CRACD: variants seen among roughly 807,000 people sequenced by gnomAD.
The protein encoded by CRACD is capping protein inhibiting regulator of actin dynamics.
CRACD carries 56 observed loss-of-function variants against 106.8 expected under a neutral mutation model. The observed-to-expected ratio is 0.52, with a 90% CI of 0.42 to 0.66. The LOEUF is 0.66. Ranked by LOEUF, CRACD falls within the 30% of genes least tolerant of loss-of-function variation. The pLI is 0.00. For synonymous variants in CRACD, 754 were observed against 670.8 expected (o/e 1.12, Z -1.92); for missense variants, 1,730 against 1,623.2 (o/e 1.07, Z -1.13).
intron 2 of CRACD, among the ~76,000 whole-genome samples, chr4:56,187,361 G>C (rs1308282633): frequency 6.6e-6 from 1 of 152,070 alleles, no homozygotes; most frequent in African/African-American, 2.4e-5. Flanking sequence ...CCAGACACTC[G>C]AGGGGGGCAC....
At chr4:56,114,391 A>T (rs534019877) in intron 1 of CRACD, among the ~76,000 whole-genome samples, 2 of 152,138 alleles carry the variant, frequency 1.3e-5, no homozygotes, top group African/African-American at 4.8e-5. Flanking sequence ...CTTTCCTAGA[A>T]GATACTCCAA....
intron 1 of CRACD, among the ~76,000 whole-genome samples, chr4:56,060,047 A>T (rs78583854): frequency 0.021 from 3,122 of 152,266 alleles, 102 homozygotes; most frequent in African/African-American, 0.071. Context: ...CAAGTACATT[A>T]TGATGTATGC....
chr4:56,287,291 A>ATTTTTTTTTT (rs57432926), intron 3 of CRACD, among the ~76,000 whole-genome samples: 1 of 145,950 alleles, frequency 6.9e-6, no homozygotes, highest in African/African-American at 2.5e-5. Flanking sequence ...TACTTGGCTA[A>ATTTTTTTTTT]TTTTTTTTTT....
In CRACD at chr4:56,314,865, A is replaced by C; in HGVS notation, c.1363A>C (p.Asn455His). 1 of 1,612,278 alleles carries C rather than the reference A, an allele frequency of 6.2e-7. No homozygotes were observed. Among genetic ancestry groups the C allele is most frequent in the East Asian group, 2.2e-5 (1 of 44,794 alleles). ...SEEPGICEEQ[N>H]PEAERRREQQ... ...GGAGCCAGGTATTTGCGAGGAGCAG[A>C]ACCCAGAGGCCGAGCGGCGAAGAGA... Residue 455 changes from asparagine to histidine, a missense_variant, in exon 8 of 11, where the codon AAC becomes CAC. This residue lies in a region of CRACD where 1,620 missense variants were observed against 1,481.6 expected (regional missense o/e 1.09). Transcript: ENST00000682029. The surrounding 1 kb of genome is among the most constrained non-coding windows in gnomAD (Gnocchi z 4.4).
intron 1 of CRACD, among the ~76,000 whole-genome samples, chr4:56,129,211 G>T (rs895907890): frequency 1.3e-5 from 2 of 152,198 alleles, no homozygotes; most frequent in African/African-American, 4.8e-5. Flanking sequence ...GAGTAACTGG[G>T]ACTACAGGCG....
At chr4:56,124,625 T>C (rs1427311773) in intron 1 of CRACD, among the ~76,000 whole-genome samples, 1 of 152,234 alleles carries the variant, frequency 6.6e-6, no homozygotes, top group African/African-American at 2.4e-5. Context: ...TTTGTTTAAA[T>C]CACGGTCCAA....
At chr4:56,234,365 T>C (rs1222562221) in intron 2 of CRACD, among the ~76,000 whole-genome samples, 2 of 152,188 alleles carry the variant, frequency 1.3e-5, no homozygotes, top group Non-Finnish European at 2.9e-5. Context: ...CATAGCATAA[T>C]GTGAAGGTTC....
chr4:56,260,690 G>T (rs1741642409), intron 2 of CRACD, among the ~76,000 whole-genome samples: 1 of 152,186 alleles, frequency 6.6e-6, no homozygotes, highest in African/African-American at 2.4e-5. Flanking sequence ...TAAAAGCAGA[G>T]CAGAGGCTTT....
chr4:56,200,678 T>C (rs1737839681), intron 2 of CRACD, among the ~76,000 whole-genome samples: 1 of 152,220 alleles, frequency 6.6e-6, no homozygotes. Context: ...AAGAATACAC[T>C]GTAGTATTTT....
rs57635563 is a variant in CRACD, at chr4:56,295,660, CATATAT to C, written c.-16-2507_-16-2502del. ...CACACAACTGTGAGAAATTAGTAAA[CATATAT>C]ATATATATATATATATATATATATA... On this transcript the variant is annotated intron_variant, in intron 3 of 10. Transcript: ENST00000682029. Among the ~76,000 whole-genome samples, 762 of 108,664 alleles carry C rather than the reference CATATAT, an allele frequency of 7.0e-3. 5 individuals are homozygous for C. The highest frequency in any genetic ancestry group is 0.012 in the East Asian group (29 of 2,430). The allele number at this position is 108,664 out of a possible 152,430, so 71.3% of individuals were successfully genotyped here. A position where few individuals can be genotyped will look rare whatever the true frequency, so the allele number is the denominator to read the frequency against.
At chr4:56,194,608 GT>G (rs1280543786) in intron 2 of CRACD, among the ~76,000 whole-genome samples, 6 of 152,188 alleles carry the variant, frequency 3.9e-5, no homozygotes, top group Admixed American at 2.0e-4. Flanking sequence ...TGGGATTAAT[GT>G]TTTTATGAAG....
intron 1 of CRACD, among the ~76,000 whole-genome samples, chr4:56,164,103 T>C (rs1348433660): frequency 6.6e-6 from 1 of 151,710 alleles, no homozygotes; most frequent in Non-Finnish European, 1.5e-5. Flanking sequence ...GACGGGAAGT[T>C]TCAGACATAT....
chr4:56,205,219 C>T (rs759903654), intron 2 of CRACD, among the ~76,000 whole-genome samples: 3 of 152,106 alleles, frequency 2.0e-5, no homozygotes, highest in Non-Finnish European at 4.4e-5. Flanking sequence ...GCCCCCCCCG[C>T]CAAATAAGTA....
intron 1 of CRACD, among the ~76,000 whole-genome samples, chr4:56,102,265 T>G (rs1733796609): frequency 6.7e-6 from 1 of 148,708 alleles, no homozygotes; most frequent in Non-Finnish European, 1.5e-5. Context: ...CTTAATGCAT[T>G]TACATTTTTC....
chr4:56,324,003 G>A, intron 9 of CRACD, 101 bp from the exon 10 acceptor site: 1 of 1,312,614 alleles, frequency 7.6e-7, no homozygotes, highest in South Asian at 1.4e-5. Flanking sequence ...TGGAAGCAGA[G>A]GTCAGGGGCT....
Position 56,314,334 on chromosome 4 carries a change from G to C in CRACD, c.832G>C (p.Glu278Gln), listed in dbSNP as rs1221201011. 3 of 1,550,458 alleles carry C rather than the reference G, an allele frequency of 1.9e-6. No homozygotes were observed. Among genetic ancestry groups the C allele is most frequent in the Admixed American group, 2.0e-5 (1 of 50,946 alleles). ...ELLEEEGEGQ[E>Q]PPLEAERAPR... ...CTTGGAGGAGGAGGGCGAGGGGCAG[G>C]AGCCGCCTCTAGAGGCGGAAAGGGC... is the stretch of plus-strand genomic sequence containing the variant. Residue 278 changes from glutamate to glutamine, a missense_variant, in exon 8 of 11, where the codon GAG becomes CAG. Physicochemically the swap from Glu to Gln is conservative, Grantham distance 29. This residue lies in a region of CRACD where 1,620 missense variants were observed against 1,481.6 expected (regional missense o/e 1.09). Transcript: ENST00000682029. This position sits in a 1 kb window ranked among gnomAD's most constrained non-coding sequence, Gnocchi z 4.4.
intron 3 of CRACD, among the ~76,000 whole-genome samples, chr4:56,286,948 A>G (rs375396102): frequency 1.3e-5 from 2 of 152,216 alleles, no homozygotes; most frequent in African/African-American, 4.8e-5. Flanking sequence ...TATTAGCATA[A>G]TCATCCTATC....
At chr4:56,211,563 G>A (rs183750671) in intron 2 of CRACD, among the ~76,000 whole-genome samples, 34 of 152,346 alleles carry the variant, frequency 2.2e-4, no homozygotes, top group African/African-American at 7.0e-4. Context: ...AGGTAGAGAA[G>A]AATTTTATTG....
At chr4:56,254,972 G>A (rs1213007496) in intron 2 of CRACD, among the ~76,000 whole-genome samples, 2 of 151,648 alleles carry the variant, frequency 1.3e-5, no homozygotes, top group Non-Finnish European at 2.9e-5. Flanking sequence ...ATAATAACTA[G>A]GAGTAGTGGC....
Sources: gnomAD v4.1 joint callset for allele counts (sites outside exome capture counted in the v4.1 genomes callset) on GRCh38, gnomAD v4.1.1 for gene constraint, gnomAD v4.1.1 regional missense constraint, Gnocchi (gnomAD v3.1) non-coding constraint, MANE v1.5 for transcripts, NCBI Gene and HGNC (gene_info 2026-07-23, HGNC 2026-07-21) for gene names.